BTAF1: variants seen among roughly 807,000 people sequenced by gnomAD.
BTAF1 encodes B-TFIID TATA-box binding protein associated factor 1.
Under a neutral mutation model 227.1 loss-of-function variants are expected in BTAF1, and 38 were observed. The ratio of observed to expected loss-of-function variants is 0.17; its 90% CI spans 0.13 to 0.22. The LOEUF (loss-of-function observed/expected upper bound fraction) is 0.22, where lower values mean the gene tolerates loss of function less well. Ranked by LOEUF, BTAF1 falls within the 10% of genes least tolerant of loss-of-function variation. The pLI, the probability that BTAF1 is intolerant of heterozygous loss-of-function variation, is 1.00. For synonymous variants in BTAF1, 742 were observed against 751.9 expected, an observed-to-expected ratio of 0.99 and a Z score of 0.21; for missense variants, 1,598 against 2,204.0, an observed-to-expected ratio of 0.73 and a Z score of 5.51.
chr10:91,982,319 C>T (rs751265865), intron 17 of BTAF1, 94 bp downstream of exon 17: 22 of 1,530,572 alleles, frequency 1.4e-5, no homozygotes, highest in Non-Finnish European at 1.8e-5. Context: ...CTGTCTCCAT[C>T]AGTCCTTCCT....
chr10:92,009,441 C>A (rs1007885330), intron 28 of BTAF1, among the ~76,000 whole-genome samples: 1 of 152,228 alleles, frequency 6.6e-6, no homozygotes, highest in Non-Finnish European at 1.5e-5. Context: ...GGAGAACTAT[C>A]AGGAACCAAA....
chr10:91,950,153 G>GGGGT (rs1845659879), intron 4 of BTAF1, among the ~76,000 whole-genome samples: 1 of 89,968 alleles, frequency 1.1e-5, no homozygotes, highest in African/African-American at 3.7e-5. Context: ...CTTTGTGGGG[G>GGGGT]GGGGCGGGAA....
chr10:92,013,743 C>A lies in BTAF1; in HGVS notation c.4388C>A (p.Ala1463Asp). The change falls in exon 31 of 38, where the codon GCT becomes GAT. Residue 1463 changes from alanine (A) to aspartate (D), a missense_variant. Transcript: ENST00000265990. Reference sequence around the variant, plus strand: ...TTGGGTACTGAACGCCAGTTTGCTGCTCGATATGGTAAACCTATATTAGCA... The same window carrying A: ...TTGGGTACTGAACGCCAGTTTGCTGATCGATATGGTAAACCTATATTAGCA... Reference protein sequence around the residue: ...GFLGTERQFAARYGKPILASR... With the variant: ...GFLGTERQFADRYGKPILASR... 6.2e-7 allele frequency: 1 copy of A among 1,614,040 alleles called. No homozygotes were observed. Among genetic ancestry groups the A allele is most frequent in the Non-Finnish European group, 8.5e-7 (1 of 1,180,018 alleles).
chr10:91,946,785 T>C (rs968416230), intron 4 of BTAF1, among the ~76,000 whole-genome samples: 15 of 152,164 alleles, frequency 9.9e-5, no homozygotes, highest in African/African-American at 3.6e-4. Flanking sequence ...GTATATGTTC[T>C]CAATACAAGC....
In BTAF1 at chr10:91,994,599, T is replaced by C; in HGVS notation, c.3264T>C (p.Val1088=). Residue 1088 remains valine (V), a synonymous_variant, in exon 23 of 38, where the codon GTT becomes GTC. Coordinates refer to ENST00000265990, the MANE Select transcript of BTAF1 (RefSeq NM_003972.3). ...PAQELVNSLQ[V]FETAAASMDS... ...AAGAATTGGTGAATTCTCTGCAGGT[T>C]TTTGAAACAGCAGCAGCTTCAATGG... 6.2e-7 allele frequency: 1 copy of C among 1,614,074 alleles called. No homozygotes were observed. The highest frequency in any genetic ancestry group is 8.5e-7 in the Non-Finnish European group (1 of 1,179,966).
At chr10:91,991,273 T>TATATATATATATATAA (rs1554860243) in intron 20 of BTAF1, among the ~76,000 whole-genome samples, 1 of 75,572 alleles carries the variant, frequency 1.3e-5, no homozygotes, top group Admixed American at 1.4e-4. Flanking sequence ...TAAATATAAA[T>TATATATATATATATAA]ATATATATAT....
intron 14 of BTAF1, among the ~76,000 whole-genome samples, chr10:91,969,578 T>C (rs7909870): frequency 0.36 from 55,413 of 151,992 alleles, 11,970 homozygotes; most frequent in African/African-American, 0.61. Context: ...TCCTCTCTGC[T>C]GTCAATTGTG....
At chr10:92,015,537 A>T (rs1354005704) in intron 32 of BTAF1, among the ~76,000 whole-genome samples, 1 of 152,196 alleles carries the variant, frequency 6.6e-6, no homozygotes, top group African/African-American at 2.4e-5. Flanking sequence ...TGCAAAAATT[A>T]ATATTTCTTG....
intron 1 of BTAF1, among the ~76,000 whole-genome samples, chr10:91,925,677 A>G (rs12771773): frequency 0.3 from 45,889 of 151,834 alleles, 8,516 homozygotes; most frequent in South Asian, 0.52. Flanking sequence ...ACACCTGGCT[A>G]GTTTTTTGTA....
chr10:91,971,967 T>A (rs1012279343), intron 14 of BTAF1, among the ~76,000 whole-genome samples: 1 of 152,218 alleles, frequency 6.6e-6, no homozygotes, highest in Non-Finnish European at 1.5e-5. Context: ...AAAATTTAAG[T>A]TATAATCCTA....
rs770254630 is a variant in BTAF1, at chr10:91,964,218, A to G, written c.1529+17A>G. The G allele has an allele frequency of 6.2e-7, 1 of 1,607,276 alleles. No homozygotes were observed. The highest frequency in any genetic ancestry group is 1.7e-5 in the Admixed American group (1 of 59,164). On this transcript the variant is annotated intron_variant, in intron 13 of 37. Transcript: ENST00000265990. ...ACAATGCAGGTAATTATTTCTAATT[A>G]GTGGAATAAAGTAAAAAGTCTTTAC...
intron 1 of BTAF1, 90 bp from the exon 2 acceptor site, chr10:91,935,567 C>T (rs1160370496): frequency 7.2e-7 from 1 of 1,380,394 alleles, no homozygotes; most frequent in Non-Finnish European, 9.8e-7. Flanking sequence ...GGTCTTCATT[C>T]ATAGCATCTG....
intron 2 of BTAF1, among the ~76,000 whole-genome samples, chr10:91,939,022 A>C (rs1218934753): frequency 2.0e-5 from 3 of 149,462 alleles, no homozygotes; most frequent in Admixed American, 6.7e-5. Context: ...ATTGTGTTGA[A>C]TCTCTTGATT....
chr10:92,022,430 T>C (rs79483906), intron 34 of BTAF1, among the ~76,000 whole-genome samples: 1 of 152,154 alleles, frequency 6.6e-6, no homozygotes, highest in Non-Finnish European at 1.5e-5. Context: ...ACTTTTTTTT[T>C]CTTCTCCTAG....
intron 25 of BTAF1, among the ~76,000 whole-genome samples, chr10:92,004,237 C>T (rs59490443): frequency 0.017 from 2,614 of 152,182 alleles, 72 homozygotes; most frequent in African/African-American, 0.057. Flanking sequence ...TAGTTTGATG[C>T]AGTCCTATTT....
chr10:91,997,065 C>CA (rs1290201590), intron 24 of BTAF1: 1 of 1,263,054 alleles, frequency 7.9e-7, no homozygotes, highest in African/African-American at 1.5e-5. Context: ...TTCTTTAACT[C>CA]AAAGTATCTG....
chr10:92,023,219 C>T (rs1263826545), intron 34 of BTAF1, among the ~76,000 whole-genome samples: 1 of 152,292 alleles, frequency 6.6e-6, no homozygotes, highest in East Asian at 1.9e-4. Context: ...TTCCAAATTT[C>T]AACCTTACGA....
intron 19 of BTAF1, among the ~76,000 whole-genome samples, chr10:91,987,592 G>A (rs1848493863): frequency 1.3e-5 from 2 of 152,066 alleles, no homozygotes; most frequent in South Asian, 4.1e-4. Context: ...TAGGGCTCCA[G>A]GCAGCCTCTG....
At chr10:91,979,340 A>G (rs993822711) in intron 14 of BTAF1, among the ~76,000 whole-genome samples, 2 of 152,174 alleles carry the variant, frequency 1.3e-5, no homozygotes, top group African/African-American at 4.8e-5. Context: ...TATACCCAGT[A>G]AAGAAATTGC....
Sources: gnomAD v4.1 joint callset for allele counts (sites outside exome capture counted in the v4.1 genomes callset) on GRCh38, gnomAD v4.1.1 for gene constraint, MANE v1.5 for transcripts, NCBI Gene and HGNC (gene_info 2026-07-23, HGNC 2026-07-21) for gene names.